The following SIPA1L2 variants were observed in gnomAD, a reference collection of about 807,000 sequenced individuals.
SIPA1L2 encodes signal induced proliferation associated 1 like 2.
Under a neutral mutation model 163.9 loss-of-function variants are expected in SIPA1L2, and 56 were observed. The observed-to-expected ratio is 0.34, with a 90% CI of 0.28 to 0.43. SIPA1L2 has a LOEUF of 0.43. Ranked by LOEUF, SIPA1L2 falls within the 20% of genes least tolerant of loss-of-function variation. The probability of loss-of-function intolerance (pLI) is 1.00; values close to 1 mark genes in which losing one functional copy is unlikely to be tolerated. For missense variants in SIPA1L2, 1,974 were observed against 2,193.5 expected (o/e 0.90, Z 2.00); for synonymous variants, 877 against 865.7 (o/e 1.01, Z -0.23).
At chr1:232,460,205 G>A (rs1664157167) in intron 10 of SIPA1L2, among the ~76,000 whole-genome samples, 1 of 152,158 alleles carries the variant, frequency 6.6e-6, no homozygotes, top group Non-Finnish European at 1.5e-5. Context: ...AATATTTTAT[G>A]TTGGGCATGA....
intron 2 of SIPA1L2, among the ~76,000 whole-genome samples, chr1:232,557,034 C>T (rs1462849135): frequency 1.3e-5 from 2 of 151,992 alleles, no homozygotes; most frequent in Non-Finnish European, 2.9e-5. Context: ...TACCTGTGTC[C>T]CGTGAGCAAA....
chr1:232,446,184 C>G (rs1351347469), intron 10 of SIPA1L2, among the ~76,000 whole-genome samples: 2 of 152,200 alleles, frequency 1.3e-5, no homozygotes, highest in Non-Finnish European at 2.9e-5. Context: ...ACACCTGGCA[C>G]AGCAGAGGCC....
In SIPA1L2 at chr1:232,515,100, C is replaced by T. The variant is rs1295105885; in HGVS notation, c.240G>A (p.Val80=). The T allele has an allele frequency of 6.2e-7, 1 of 1,614,018 alleles. No homozygotes were observed. Among genetic ancestry groups the T allele is most frequent in the Non-Finnish European group, 8.5e-7 (1 of 1,179,928 alleles). The part of the protein sequence containing the change: ...AVPKMGVRAR[V]SEWPPKKDCS... ...AGTCCTTTTTAGGAGGCCATTCAGA[C>T]ACCCTTGCTCTCACACCCATCTTGG... is the stretch of plus-strand genomic sequence containing the variant. Residue 80 remains valine (V), a synonymous_variant, in exon 3 of 23, where the codon GTG becomes GTA. Transcript: ENST00000674635.
intron 6 of SIPA1L2, among the ~76,000 whole-genome samples, chr1:232,482,700 C>T (rs1446056682): frequency 2.0e-5 from 3 of 152,176 alleles, no homozygotes; most frequent in East Asian, 1.9e-4. Context: ...ACTATAGGCA[C>T]CACCCTCATC....
chr1:232,607,282 A>G (rs1270039627), intron 1 of SIPA1L2, among the ~76,000 whole-genome samples: 1 of 152,210 alleles, frequency 6.6e-6, no homozygotes, highest in Non-Finnish European at 1.5e-5. Flanking sequence ...TACCAAGAAA[A>G]TGTTTTCATT....
chr1:232,565,076 T>G (rs946207506), intron 2 of SIPA1L2, among the ~76,000 whole-genome samples: 1 of 152,174 alleles, frequency 6.6e-6, no homozygotes, highest in Non-Finnish European at 1.5e-5. Context: ...AAATTGATAA[T>G]GAGTAAGTAC....
rs1490194089 is a variant in SIPA1L2 at position 232,425,824 on chromosome 1, G to C, written c.4411-16C>G. The C allele has an allele frequency of 2.9e-5, 46 of 1,606,822 alleles. No homozygotes were observed. The highest frequency in any genetic ancestry group is 3.9e-5 in the Non-Finnish European group (46 of 1,174,496). On this transcript the variant is annotated splice_polypyrimidine_tract_variant and intron_variant, in intron 17 of 22. Coordinates refer to ENST00000674635, the MANE Select transcript of SIPA1L2 (RefSeq NM_020808.5). Reference sequence around the variant, plus strand: ...AGAACGAAAACTAGGGTTTAAACAAGGTGCGAGGAGGGAACAGACATTAAA... The same window carrying C: ...AGAACGAAAACTAGGGTTTAAACAACGTGCGAGGAGGGAACAGACATTAAA...
chr1:232,609,618 C>G (rs908863627), intron 1 of SIPA1L2, among the ~76,000 whole-genome samples: 1 of 152,032 alleles, frequency 6.6e-6, no homozygotes, highest in East Asian at 1.9e-4. Context: ...ATCACAGGGT[C>G]AGGAGTTTGA....
intron 2 of SIPA1L2, among the ~76,000 whole-genome samples, chr1:232,572,754 T>TATATATACACACATATATACATACATAC (rs1659849675): frequency 8.6e-6 from 1 of 116,038 alleles, no homozygotes; most frequent in Non-Finnish European, 1.8e-5. Context: ...TATATATATA[T>TATATATACACACATATATACATACATAC]ATATATATAT....
At chr1:232,533,456 C>T (rs1376438327) in intron 2 of SIPA1L2, among the ~76,000 whole-genome samples, 4 of 152,210 alleles carry the variant, frequency 2.6e-5, no homozygotes, top group Non-Finnish European at 5.9e-5. Flanking sequence ...GGGCAATGAT[C>T]TCTACAGAAA....
chr1:232,604,659 T>C (rs1236804614), intron 1 of SIPA1L2, among the ~76,000 whole-genome samples: 1 of 152,184 alleles, frequency 6.6e-6, no homozygotes, highest in Non-Finnish European at 1.5e-5. Flanking sequence ...AATCTCATGT[T>C]GAATTGTAAT....
intron 16 of SIPA1L2, among the ~76,000 whole-genome samples, chr1:232,430,313 G>A (rs1413461118): frequency 1.3e-5 from 2 of 152,172 alleles, no homozygotes; most frequent in Non-Finnish European, 2.9e-5. Flanking sequence ...TTAGGCAGAG[G>A]GAACAGCATG....
intron 19 of SIPA1L2, among the ~76,000 whole-genome samples, chr1:232,408,844 G>A (rs1660788707): frequency 6.6e-6 from 1 of 151,644 alleles, no homozygotes; most frequent in South Asian, 2.1e-4. Context: ...TCTCTTTCAG[G>A]CTCCCATAAT....
At chr1:232,607,774 C>T (rs187346042) in intron 1 of SIPA1L2, among the ~76,000 whole-genome samples, 1,837 of 146,158 alleles carry the variant, frequency 0.013, 28 homozygotes, top group Non-Finnish European at 0.02. Flanking sequence ...AAAAAAAAAA[C>T]GCCGGGCACA....
At chr1:232,460,180 T>G (rs941602380) in intron 10 of SIPA1L2, among the ~76,000 whole-genome samples, 2 of 152,208 alleles carry the variant, frequency 1.3e-5, no homozygotes, top group Non-Finnish European at 2.9e-5. Context: ...TTAGCATTCT[T>G]TCTCCTTTTG....
chr1:232,402,979 G>A (rs1241685548), intron 21 of SIPA1L2, among the ~76,000 whole-genome samples: 2 of 152,234 alleles, frequency 1.3e-5, no homozygotes, highest in Non-Finnish European at 1.5e-5. Flanking sequence ...GGGAAAGAGT[G>A]GGGTGTTCCC....
intron 1 of SIPA1L2, among the ~76,000 whole-genome samples, chr1:232,618,373 T>C (rs1333124419): frequency 1.3e-5 from 2 of 152,142 alleles, no homozygotes; most frequent in Admixed American, 6.5e-5. Context: ...AAAACTCTTG[T>C]GGCTGGGCGC....
At chr1:232,578,261 A>G (rs1175104682) in intron 1 of SIPA1L2, among the ~76,000 whole-genome samples, 2 of 117,520 alleles carry the variant, frequency 1.7e-5, no homozygotes, top group Non-Finnish European at 3.8e-5. Context: ...AATGCACTGG[A>G]AAAAAAAAAA....
Position 232,428,512 on chromosome 1 carries a change from C to T in SIPA1L2, c.4309G>A (p.Val1437Met), listed in dbSNP as rs202180387. The stretch of plus-strand genomic sequence containing the variant: ...TGAGTCTCTGCAACAGCATCTCCCA[C>T]CACTGTCTGATGCTGAGTTGCTGTG... ...MSTATQHQTV[V>M]GDAVAETQHV... The change falls in exon 17 of 23, where the codon GTG (valine) becomes ATG (methionine). Residue 1437 changes from valine (V) to methionine (M), a missense_variant. By Grantham distance (21) the Val-to-Met change is conservative. Transcript: ENST00000674635. 27 of 1,596,264 alleles carry T rather than the reference C, an allele frequency of 1.7e-5. No homozygotes were observed. The African/African-American group carries it at 3.5e-4, about 21-fold the overall frequency.
Sources: gnomAD v4.1 joint callset for allele counts (sites outside exome capture counted in the v4.1 genomes callset) on GRCh38, gnomAD v4.1.1 for gene constraint, MANE v1.5 for transcripts, NCBI Gene and HGNC (gene_info 2026-07-23, HGNC 2026-07-21) for gene names.